The following ZBTB20 variants were observed in gnomAD, a reference collection of about 807,000 sequenced individuals.
The protein encoded by ZBTB20 is zinc finger and BTB domain-containing protein 20.
Under a neutral mutation model 56.9 loss-of-function variants are expected in ZBTB20, and 9 were observed. The observed-to-expected ratio is 0.16, with a 90% CI of 0.10 to 0.28. The LOEUF (loss-of-function observed/expected upper bound fraction) is 0.28, where lower values mean the gene tolerates loss of function less well. Among genes scored for constraint, ZBTB20 ranks in the 10% least tolerant of loss-of-function variants. ZBTB20 has a pLI of 1.00. For missense variants in ZBTB20, 655 were observed against 1,003.0 expected, an observed-to-expected ratio of 0.65 and a Z score of 4.69; for synonymous variants, 417 against 420.7, an observed-to-expected ratio of 0.99 and a Z score of 0.11.
chr3:114,375,295 T>C lies in ZBTB20; in HGVS notation c.199+4922A>G, dbSNP rs9875893. The stretch of plus-strand genomic sequence containing the variant: ...ACACGGCACCATAGAGTATTGCTAC[T>C]AACGCCTTTCAATCACAAACCCGTT... On this transcript the variant is annotated intron_variant, in intron 10 of 11. Transcript: ENST00000675478. Among the ~76,000 whole-genome samples, 414 of 152,334 alleles carry C rather than the reference T, an allele frequency of 2.7e-3. 3 individuals are homozygous for C. The highest frequency in any genetic ancestry group is 9.4e-3 in the African/African-American group (390 of 41,578).
intron 6 of ZBTB20, among the ~76,000 whole-genome samples, chr3:114,576,368 G>A (rs1007040420): frequency 2.0e-5 from 3 of 151,298 alleles, no homozygotes; most frequent in South Asian, 2.1e-4. Context: ...CAGGCGTGGT[G>A]GCGGGCGCCT....
intron 2 of ZBTB20, among the ~76,000 whole-genome samples, chr3:115,044,155 T>C (rs1259256986): frequency 1.3e-5 from 2 of 152,204 alleles, no homozygotes; most frequent in East Asian, 3.8e-4. Flanking sequence ...CTCTTTTCTT[T>C]ATAAATTAAC....
At chr3:114,390,199 CA>C (rs539385477) in intron 7 of ZBTB20, among the ~76,000 whole-genome samples, 27 of 151,622 alleles carry the variant, frequency 1.8e-4, no homozygotes, top group Non-Finnish European at 3.2e-4. Context: ...TTTTCTAGTA[CA>C]AAAAAAAGCC....
chr3:114,400,731 C>T (rs1220734358), intron 7 of ZBTB20, among the ~76,000 whole-genome samples: 1 of 152,040 alleles, frequency 6.6e-6, no homozygotes, highest in Non-Finnish European at 1.5e-5. Flanking sequence ...GTCACTGCTC[C>T]TGAGGACCCG....
intron 5 of ZBTB20, among the ~76,000 whole-genome samples, chr3:114,714,185 C>A (rs1464833769): frequency 4.6e-5 from 7 of 152,204 alleles, no homozygotes; most frequent in Admixed American, 3.9e-4. Flanking sequence ...TAATCAAAAT[C>A]TGAAAATCAT....
intron 5 of ZBTB20, among the ~76,000 whole-genome samples, chr3:114,766,650 A>G (rs1280653549): frequency 6.6e-6 from 1 of 152,002 alleles, no homozygotes; most frequent in Non-Finnish European, 1.5e-5. Flanking sequence ...AAATAGCCCT[A>G]TGAAGTTTGT....
intron 4 of ZBTB20, among the ~76,000 whole-genome samples, chr3:114,825,059 C>T (rs1203557415): frequency 6.6e-6 from 1 of 151,882 alleles, no homozygotes; most frequent in Non-Finnish European, 1.5e-5. Context: ...CCAGGAAATA[C>T]TGAGATTCAA....
rs148886460 is a variant in ZBTB20, at chr3:115,091,742, A to G, written c.-702-20328T>C. Among the ~76,000 whole-genome samples the G allele has an allele frequency of 3.8e-3, 568 of 151,100 alleles. 5 individuals carry two copies. The highest frequency in any genetic ancestry group is 0.013 in the African/African-American group (544 of 41,312). ...CATATATATATATATATACACGAGAATGTTATAAACCAGCTAGACATAATC... is the reference window on the plus strand; with the variant it reads ...CATATATATATATATATACACGAGAGTGTTATAAACCAGCTAGACATAATC... On this transcript the variant is annotated intron_variant, in intron 1 of 11. Coordinates refer to ENST00000675478, the MANE Select transcript of ZBTB20 (RefSeq NM_001348800.3).
chr3:114,617,214 C>T (rs2058002120), intron 6 of ZBTB20, among the ~76,000 whole-genome samples: 1 of 152,198 alleles, frequency 6.6e-6, no homozygotes, highest in Admixed American at 6.5e-5. Flanking sequence ...CAATCAGGGT[C>T]CAACATGATT....
chr3:115,031,658 A>G (rs1011104447), intron 2 of ZBTB20, among the ~76,000 whole-genome samples: 2 of 151,556 alleles, frequency 1.3e-5, no homozygotes, highest in Admixed American at 6.6e-5. Context: ...AAAACAAAAA[A>G]TTATATGGTG....
At chr3:115,060,608 A>T (rs1040349408) in intron 2 of ZBTB20, among the ~76,000 whole-genome samples, 1 of 152,168 alleles carries the variant, frequency 6.6e-6, no homozygotes, top group South Asian at 2.1e-4. Context: ...CCCACAGTGG[A>T]CAGTAAATTG....
At chr3:114,740,723 G>A (rs2066510488) in intron 5 of ZBTB20, among the ~76,000 whole-genome samples, 1 of 152,158 alleles carries the variant, frequency 6.6e-6, no homozygotes, top group Non-Finnish European at 1.5e-5. Context: ...TCTATCACTG[G>A]AGTTTACATG....
intron 6 of ZBTB20, among the ~76,000 whole-genome samples, chr3:114,543,424 G>T (rs1016411834): frequency 5.3e-5 from 8 of 150,010 alleles, no homozygotes; most frequent in African/African-American, 2.0e-4. Context: ...CTGAATAGAG[G>T]GGAGCAGCTG....
At chr3:114,441,683 A>G (rs7650579) in intron 7 of ZBTB20, among the ~76,000 whole-genome samples, 151,300 of 152,206 alleles carry the variant, frequency 0.99, 75,207 homozygotes, top group Middle Eastern at 1. Flanking sequence ...AACCACTTAC[A>G]CGGCAACTGC....
intron 3 of ZBTB20, among the ~76,000 whole-genome samples, chr3:114,970,090 G>C (rs990787492): frequency 1.3e-5 from 2 of 152,140 alleles, no homozygotes; most frequent in Non-Finnish European, 2.9e-5. Context: ...GCTCTTGATA[G>C]GTCCTGGGCT....
chr3:115,131,134 T>C (rs561720981), intron 1 of ZBTB20, among the ~76,000 whole-genome samples: 3 of 152,234 alleles, frequency 2.0e-5, no homozygotes, highest in Non-Finnish European at 4.4e-5. Flanking sequence ...GTTTTGAACA[T>C]GTTTTTAGCA....
At chr3:114,804,697 T>G (rs1191160895) in intron 4 of ZBTB20, among the ~76,000 whole-genome samples, 1 of 151,890 alleles carries the variant, frequency 6.6e-6, no homozygotes, top group Non-Finnish European at 1.5e-5. Context: ...AAATGAACTC[T>G]CCAGTACCCA....
intron 2 of ZBTB20, among the ~76,000 whole-genome samples, chr3:115,052,939 C>T (rs368849070): frequency 1.3e-5 from 2 of 152,114 alleles, no homozygotes; most frequent in African/African-American, 2.4e-5. Context: ...TTTCAAAAAA[C>T]GTTTATAGCT....
intron 6 of ZBTB20, among the ~76,000 whole-genome samples, chr3:114,669,735 A>G (rs2061260008): frequency 6.6e-6 from 1 of 151,944 alleles, no homozygotes; most frequent in Non-Finnish European, 1.5e-5. Flanking sequence ...GCAAACATTC[A>G]TTTGTGCAGA....
Sources: gnomAD v4.1 joint callset for allele counts (sites outside exome capture counted in the v4.1 genomes callset) on GRCh38, gnomAD v4.1.1 for gene constraint, MANE v1.5 for transcripts, NCBI Gene and HGNC (gene_info 2026-07-23, HGNC 2026-07-21) for gene names.